The following FAM222A variants were observed in gnomAD, a reference collection of about 807,000 sequenced individuals.
The protein encoded by FAM222A is family with sequence similarity 222 member A.
FAM222A carries 7 observed loss-of-function variants against 25.8 expected under a neutral mutation model. That is an observed-to-expected ratio of 0.27 (90% CI 0.15 to 0.51). FAM222A has a LOEUF of 0.51. Among genes scored for constraint, FAM222A ranks in the 20% least tolerant of loss-of-function variants. The pLI, the probability that FAM222A is intolerant of heterozygous loss-of-function variation, is 0.97. For synonymous variants in FAM222A, 294 were observed against 298.8 expected (o/e 0.98, Z 0.17); for missense variants, 573 against 640.5 (o/e 0.89, Z 1.14).
intron 1 of FAM222A, among the ~76,000 whole-genome samples, chr12:109,732,923 G>A (rs16940521): frequency 0.11 from 16,550 of 152,302 alleles, 968 homozygotes; most frequent in Middle Eastern, 0.2. Flanking sequence ...GCACTCCAGT[G>A]GAAGAGACAG....
At chr12:109,736,519 A>G (rs1002940852) in intron 1 of FAM222A, among the ~76,000 whole-genome samples, 3 of 152,170 alleles carry the variant, frequency 2.0e-5, no homozygotes, top group African/African-American at 7.2e-5. Flanking sequence ...CTAATGAGGC[A>G]GCTGGTGTGT....
chr12:109,744,251 CT>C, intron 2 of FAM222A, 23 bp downstream of exon 2: 1 of 1,605,400 alleles, frequency 6.2e-7, no homozygotes, highest in Non-Finnish European at 8.5e-7. Context: ...CCTCCCCAGC[CT>C]TTGCAGGGCA....
intron 2 of FAM222A, chr12:109,744,434 A>T: frequency 6.1e-6 from 6 of 984,978 alleles, no homozygotes; most frequent in Non-Finnish European, 7.2e-6. Flanking sequence ...GTGGAGCAAG[A>T]CTCTCAACTC....
chr12:109,720,122 G>C (rs1261090592), intron 1 of FAM222A: 3 of 985,324 alleles, frequency 3.0e-6, no homozygotes, highest in African/African-American at 1.7e-5. Flanking sequence ...GGCTGGGCTT[G>C]AATACAGGCC....
intron 2 of FAM222A, among the ~76,000 whole-genome samples, chr12:109,748,526 G>GTAGC (rs1468935863): frequency 6.6e-6 from 1 of 151,978 alleles, no homozygotes; most frequent in Non-Finnish European, 1.5e-5. Flanking sequence ...GGGTGAGTGG[G>GTAGC]TAGCTCTTTG....
At chr12:109,718,908 C>T (rs1026732195) in intron 1 of FAM222A, among the ~76,000 whole-genome samples, 2 of 152,206 alleles carry the variant, frequency 1.3e-5, no homozygotes, top group Non-Finnish European at 2.9e-5. Context: ...TTCCTTCCAC[C>T]TGGACCCCTG....
chr12:109,739,236 G>T lies in FAM222A; in HGVS notation c.-46-4865G>T, dbSNP rs542912317. 2.6e-5 allele frequency among the ~76,000 whole-genome samples: 4 copies of T among 152,354 alleles called. No homozygotes were observed. In the East Asian group the frequency reaches 7.7e-4, roughly 29 times the overall value. ...CTTGGGGTCAACCCAGCCTGGCAAG[G>T]GGCAGACTGCTGACCTGTGGACACG... On this transcript the variant is annotated intron_variant, in intron 1 of 2. Transcript: ENST00000538780.
intron 1 of FAM222A, among the ~76,000 whole-genome samples, chr12:109,721,154 T>C (rs951581913): frequency 2.0e-5 from 3 of 148,008 alleles, no homozygotes; most frequent in Non-Finnish European, 4.4e-5. Flanking sequence ...ATGAAGAAAC[T>C]TAGCCTGATG....
At chr12:109,761,004 C>A (rs1888875872) in intron 2 of FAM222A, among the ~76,000 whole-genome samples, 1 of 152,188 alleles carries the variant, frequency 6.6e-6, no homozygotes, top group South Asian at 2.1e-4. Flanking sequence ...CACAACCATG[C>A]CCCCACTGAG....
intron 2 of FAM222A, among the ~76,000 whole-genome samples, chr12:109,763,471 T>A (rs1187448820): frequency 6.6e-6 from 1 of 152,244 alleles, no homozygotes; most frequent in Non-Finnish European, 1.5e-5. Context: ...TGGCCAGGGC[T>A]GCACTCTCAT....
intron 1 of FAM222A, among the ~76,000 whole-genome samples, chr12:109,725,035 A>T (rs1242386077): frequency 1.3e-5 from 2 of 151,702 alleles, no homozygotes; most frequent in Non-Finnish European, 2.9e-5. Context: ...GCTCAGAGAG[A>T]TTGAGGGACT....
chr12:109,720,070 A>G, intron 1 of FAM222A: 1 of 984,878 alleles, frequency 1.0e-6, no homozygotes, highest in African/African-American at 1.7e-5. Flanking sequence ...GCATGTGCAT[A>G]GTGCTTGCAG....
intron 2 of FAM222A, among the ~76,000 whole-genome samples, chr12:109,764,428 T>G (rs1888986183): frequency 6.6e-6 from 1 of 152,174 alleles, no homozygotes. Context: ...CTTCTTCTTC[T>G]TAAGGTTTTA....
At chr12:109,765,170 GC>G (rs1889007396) in intron 2 of FAM222A, among the ~76,000 whole-genome samples, 2 of 152,224 alleles carry the variant, frequency 1.3e-5, no homozygotes, top group South Asian at 2.1e-4. Context: ...GCTGCCCAGT[GC>G]CCCACGTCGG....
Position 109,769,529 on chromosome 12 carries a change from C to T in FAM222A, c.*241C>T. 5.5e-6 allele frequency: 3 copies of T among 549,942 alleles called. No individual in the cohort carries two copies. The highest frequency in any genetic ancestry group is 5.9e-5 in the East Asian group (2 of 33,698). The allele number at this position is 549,942 out of a possible 1,614,324, so 34.1% of individuals were successfully genotyped here. On this transcript the variant is annotated 3_prime_UTR_variant, in exon 3 of 3. Coordinates refer to ENST00000538780, the MANE Select transcript of FAM222A (RefSeq NM_032829.3). ...GGACACAGTGAGGGCCTGGGGGCAG[C>T]CACTGACGCCCATGCCTTCCTTTAT...
At chr12:109,720,119 C>T (rs1887720840) in intron 1 of FAM222A, 1 of 985,428 alleles carries the variant, frequency 1.0e-6, no homozygotes, top group Non-Finnish European at 1.2e-6. Flanking sequence ...GTGGGCTGGG[C>T]TTGAATACAG....
At chr12:109,741,220 G>A (rs541052887) in intron 1 of FAM222A, among the ~76,000 whole-genome samples, 95 of 152,320 alleles carry the variant, frequency 6.2e-4, no homozygotes, top group African/African-American at 2.1e-3. Flanking sequence ...AGGACACAGG[G>A]TTCCTGGGAG....
chr12:109,748,330 CTTTCTTTTTTTTT>C (rs903013647), intron 2 of FAM222A, among the ~76,000 whole-genome samples: 43 of 40,428 alleles, frequency 1.1e-3, no homozygotes, highest in Admixed American at 9.6e-3. Flanking sequence ...CTTTGGTTTT[CTTTCTTTTTTTTT>C]TTTTTTTTTT....
chr12:109,724,418 G>A (rs2136320179), intron 1 of FAM222A, among the ~76,000 whole-genome samples: 1 of 152,352 alleles, frequency 6.6e-6, no homozygotes, highest in East Asian at 1.9e-4. Context: ...AGGAGGCTGG[G>A]GCTGACCAGG....
Sources: gnomAD v4.1 joint callset for allele counts (sites outside exome capture counted in the v4.1 genomes callset) on GRCh38, gnomAD v4.1.1 for gene constraint, MANE v1.5 for transcripts, NCBI Gene and HGNC (gene_info 2026-07-23, HGNC 2026-07-21) for gene names.